MARK3: variants seen among roughly 807,000 people sequenced by gnomAD.
The protein encoded by MARK3 is MAP/microtubule affinity-regulating kinase 3.
Under a neutral mutation model 90.1 loss-of-function variants are expected in MARK3, and 46 were observed. The ratio of observed to expected loss-of-function variants is 0.51; its 90% CI spans 0.40 to 0.65. MARK3 has a LOEUF of 0.65. Ranked by LOEUF, MARK3 falls within the 30% of genes least tolerant of loss-of-function variation. The probability of loss-of-function intolerance (pLI) is 0.00; values close to 1 mark genes in which losing one functional copy is unlikely to be tolerated. For missense variants in MARK3, 818 were observed against 947.2 expected (o/e 0.86, Z 1.79); for synonymous variants, 321 against 332.6 (o/e 0.97, Z 0.38).
Position 103,502,881 on chromosome 14 carries a change from G to T in MARK3, c.1917-1G>T. The stretch of plus-strand genomic sequence containing the variant: ...AATAAACCTGCCTCTATGCATTTCA[G>T]TCGCAATGTATCTGCTGAGCAAAAA... On this transcript the variant is annotated splice_acceptor_variant, in intron 17 of 17. Coordinates refer to ENST00000429436, the MANE Select transcript of MARK3 (RefSeq NM_001128918.3). LOFTEE classifies it high-confidence loss of function. 1 of 1,604,202 alleles carries T rather than the reference G, an allele frequency of 6.2e-7. No individual in the cohort carries two copies.
intron 14 of MARK3, among the ~76,000 whole-genome samples, chr14:103,480,754 A>C (rs1469237109): frequency 1.3e-5 from 2 of 152,206 alleles, no homozygotes; most frequent in Non-Finnish European, 2.9e-5. Flanking sequence ...GAGGAAGTAG[A>C]TAGTAAGCTG....
chr14:103,471,993 G>A (rs912443251), intron 12 of MARK3, among the ~76,000 whole-genome samples: 2 of 152,028 alleles, frequency 1.3e-5, no homozygotes, highest in African/African-American at 2.4e-5. Context: ...GGTGGATCAC[G>A]AGGTCAGGAG....
intron 3 of MARK3, among the ~76,000 whole-genome samples, chr14:103,432,912 T>C (rs1279164320): frequency 6.6e-6 from 1 of 152,062 alleles, no homozygotes; most frequent in Non-Finnish European, 1.5e-5. Context: ...AATTCCTTTT[T>C]TTTGTAAGGC....
intron 17 of MARK3, among the ~76,000 whole-genome samples, chr14:103,501,609 G>C (rs932659604): frequency 1.3e-5 from 2 of 151,956 alleles, no homozygotes; most frequent in Non-Finnish European, 2.9e-5. Flanking sequence ...GCTCTCCTCA[G>C]ATGCAGGCCC....
intron 12 of MARK3, among the ~76,000 whole-genome samples, chr14:103,474,050 TACA>T (rs2093674482): frequency 1.3e-5 from 1 of 75,736 alleles, no homozygotes; most frequent in Non-Finnish European, 3.0e-5. Flanking sequence ...AAAAAATATA[TACA>T]AAAAAAAAAA....
chr14:103,405,073 C>T lies in MARK3; in HGVS notation c.52-3C>T, dbSNP rs776813594. 10 of 1,612,800 alleles carry T rather than the reference C, an allele frequency of 6.2e-6. No individual in the cohort carries two copies. The highest frequency in any genetic ancestry group is 3.3e-5 in the South Asian group (3 of 90,948). ...CCTTATCTTTGTGTATGCTGTATTG[C>T]AGCACACGTCACATGGAGATGGGCG... On this transcript the variant is annotated splice_polypyrimidine_tract_variant and splice_region_variant and intron_variant, in intron 1 of 17. Coordinates refer to ENST00000429436, the MANE Select transcript of MARK3 (RefSeq NM_001128918.3).
At chr14:103,461,410 T>TTG (rs1333248915) in intron 6 of MARK3, among the ~76,000 whole-genome samples, 2 of 152,200 alleles carry the variant, frequency 1.3e-5, no homozygotes, top group Non-Finnish European at 2.9e-5. Context: ...AGTAAAACAA[T>TTG]TGTTTAATCA....
chr14:103,460,318 C>T (rs12588272), intron 6 of MARK3, among the ~76,000 whole-genome samples: 51,838 of 151,598 alleles, frequency 0.34, 9,323 homozygotes, highest in East Asian at 0.5. Flanking sequence ...ATCTCCTGAC[C>T]TCGTGATCCA....
In MARK3 at chr14:103,442,117, C is replaced by G. The variant is rs533093929; in HGVS notation, c.298-6802C>G. Among the ~76,000 whole-genome samples the G allele has an allele frequency of 2.6e-5, 4 of 152,144 alleles. No individual in the cohort carries two copies. In the South Asian group the frequency reaches 8.3e-4, roughly 32 times the overall value. On this transcript the variant is annotated intron_variant, in intron 3 of 17. Transcript: ENST00000429436. ...GGTGCGGTGGCTCACACCTGTAATC[C>G]CAGCACTTTGGGAGGCTGAGGTGGG...
At chr14:103,427,067 T>C (rs182092853) in intron 2 of MARK3, among the ~76,000 whole-genome samples, 155 of 152,174 alleles carry the variant, frequency 1.0e-3, no homozygotes, top group Non-Finnish European at 1.8e-3. Context: ...CTCTCTCTCT[T>C]TTTTTCTTGG....
In MARK3 at chr14:103,490,816, G is replaced by A. The variant is rs189233887; in HGVS notation, c.1587-961G>A. ...AGTTGCTCCAGAATCTCCAAAACAA[G>A]CTTAGGAGATTTTTATTCTTTACCA... On this transcript the variant is annotated intron_variant, in intron 14 of 17. Transcript: ENST00000429436. 241 of 394,600 alleles carry A rather than the reference G, an allele frequency of 6.1e-4. 1 individual carries two copies. The Admixed American group carries it at 0.011, about 18-fold the overall frequency. The allele number at this position is 394,600 out of a possible 1,614,324, so 24.4% of individuals were successfully genotyped here.
At chr14:103,476,979 C>T (rs1326581985) in intron 13 of MARK3, among the ~76,000 whole-genome samples, 1 of 152,312 alleles carries the variant, frequency 6.6e-6, no homozygotes, top group African/African-American at 2.4e-5. Flanking sequence ...GCCTTCATGA[C>T]TTCTCTTCCC....
At position 103,502,934 on chromosome 14, in the gene MARK3, T is replaced by C. The variant is rs1409764269; in HGVS notation, c.1969T>C (p.Ser657Pro). ...KDENKEAKPR[S>P]LRFTWSMKTT... is the part of the protein sequence containing the mutation. ...TGAAAACAAAGAAGCAAAGCCTCGATCCCTACGCTTCACCTGGAGCATGAA... is the reference window on the plus strand; with the variant it reads ...TGAAAACAAAGAAGCAAAGCCTCGACCCCTACGCTTCACCTGGAGCATGAA... Residue 657 changes from serine to proline, a missense_variant, in exon 18 of 18, where the codon TCC (serine) becomes CCC (proline). Ser to Pro is a moderately conservative substitution (Grantham distance 74). Around this residue, in one of 3 missense-constraint regions of MARK3, gnomAD observed 560 missense variants for 613.5 expected, o/e 0.91. Coordinates refer to ENST00000429436, the MANE Select transcript of MARK3 (RefSeq NM_001128918.3). 1 of 1,614,092 alleles carries C rather than the reference T, an allele frequency of 6.2e-7. No homozygotes were observed. The highest frequency in any genetic ancestry group is 1.3e-5 in the African/African-American group (1 of 74,932).
chr14:103,477,231 C>G (rs1330452868), intron 13 of MARK3, among the ~76,000 whole-genome samples: 1 of 152,172 alleles, frequency 6.6e-6, no homozygotes, highest in Non-Finnish European at 1.5e-5. Flanking sequence ...GTGGCTCACA[C>G]CCGTAATCCC....
intron 2 of MARK3, among the ~76,000 whole-genome samples, chr14:103,420,178 A>G (rs1303041944): frequency 1.3e-5 from 2 of 152,186 alleles, no homozygotes; most frequent in Non-Finnish European, 2.9e-5. Context: ...AAAAAGCTCC[A>G]TATAAGCCTA....
intron 6 of MARK3, among the ~76,000 whole-genome samples, chr14:103,459,068 C>T (rs1399168563): frequency 6.6e-6 from 1 of 152,108 alleles, no homozygotes; most frequent in Non-Finnish European, 1.5e-5. Flanking sequence ...GTGTGTGGCT[C>T]TTTCCATAAC....
intron 6 of MARK3, among the ~76,000 whole-genome samples, chr14:103,459,647 G>C (rs944921962): frequency 6.7e-6 from 1 of 150,226 alleles, no homozygotes; most frequent in African/African-American, 2.4e-5. Context: ...TTACAAGTGT[G>C]CACCACCACG....
At chr14:103,438,725 G>A (rs2092776633) in intron 3 of MARK3, among the ~76,000 whole-genome samples, 1 of 151,560 alleles carries the variant, frequency 6.6e-6, no homozygotes, top group South Asian at 2.1e-4. Flanking sequence ...CAGGCATGGT[G>A]GCTCAAGCCT....
rs183384796 is a variant in MARK3, at chr14:103,395,452, G to A, written c.51+9372G>A. 1.8e-4 allele frequency among the ~76,000 whole-genome samples: 28 copies of A among 151,990 alleles called. 1 individual carries two copies. The highest frequency in any genetic ancestry group is 1.6e-3 in the Admixed American group (25 of 15,260). On this transcript the variant is annotated intron_variant, in intron 1 of 17. Transcript: ENST00000429436. ...ATTTCCTCTGTGGCCAGATTCATCA[G>A]GCATTCAGTCACTTTCATCTCTGTC...
Sources: allele counts gnomAD v4.1 joint callset (sites outside exome capture counted in the v4.1 genomes callset), GRCh38; gene constraint gnomAD v4.1.1; regional missense constraint gnomAD v4.1.1; transcripts MANE v1.5; gene names NCBI Gene and HGNC (gene_info 2026-07-23, HGNC 2026-07-21).